LRRIQ1: variants seen among roughly 807,000 people sequenced by gnomAD.
LRRIQ1 encodes the protein leucine rich repeats and IQ motif containing 1.
In LRRIQ1, 210 loss-of-function variants were observed where a neutral mutation model predicts 211.9. The observed-to-expected ratio is 0.99, with a 90% CI of 0.89 to 1.11. The LOEUF (loss-of-function observed/expected upper bound fraction) is 1.11, where lower values mean the gene tolerates loss of function less well. Among genes scored for constraint, LRRIQ1 ranks in the 50% most tolerant of loss-of-function variants. LRRIQ1 has a pLI of 0.00. For synonymous variants in LRRIQ1, 699 were observed against 650.1 expected (o/e 1.08, Z -1.14); for missense variants, 2,136 against 1,939.5 (o/e 1.10, Z -1.90).
intron 26 of LRRIQ1, among the ~76,000 whole-genome samples, chr12:85,238,495 A>T (rs533905284): frequency 6.6e-6 from 1 of 152,238 alleles, no homozygotes; most frequent in Non-Finnish European, 1.5e-5. Flanking sequence ...AGTATACATG[A>T]TATACAGGGG....
At position 85,202,008 on chromosome 12, in the gene LRRIQ1, T is replaced by C. The variant is rs139733667; in HGVS notation, c.4823-27509T>C. Among the ~76,000 whole-genome samples the C allele has an allele frequency of 1.1e-4, 17 of 152,298 alleles. No homozygotes were observed. In the East Asian group the frequency reaches 2.7e-3, roughly 24 times the overall value. On this transcript the variant is annotated intron_variant, in intron 24 of 26. Coordinates refer to ENST00000393217, the MANE Select transcript of LRRIQ1 (RefSeq NM_001079910.2). ...TGTTGTATTTTTGTTCTTATTCATTTCAAATAATTGATTTCTGCCTTAATT... is the reference window on the plus strand; with the variant it reads ...TGTTGTATTTTTGTTCTTATTCATTCCAAATAATTGATTTCTGCCTTAATT...
In LRRIQ1 at chr12:85,098,338, T is replaced by C. The variant is rs374427851; in HGVS notation, c.2888-17T>C. 1,367 of 1,552,788 alleles carry C rather than the reference T, an allele frequency of 8.8e-4. 20 individuals carry two copies. In the South Asian group the frequency reaches 0.015, roughly 17 times the overall value. ...AGACTGTATGACACAGGTGATCTTA[T>C]AACTTTTTTCTTCTAGGTGGTTTAG... On this transcript the variant is annotated splice_polypyrimidine_tract_variant and intron_variant, in intron 11 of 26. Transcript: ENST00000393217.
At chr12:85,229,710 C>A in intron 25 of LRRIQ1, 61 bp downstream of exon 25, 1 of 1,532,778 alleles carries the variant, frequency 6.5e-7, no homozygotes, top group Non-Finnish European at 8.9e-7. Context: ...AAATTGAAAC[C>A]TAGGTTAATT....
intron 23 of LRRIQ1, among the ~76,000 whole-genome samples, chr12:85,154,668 ATTAC>A (rs930051666): frequency 1.3e-4 from 19 of 151,420 alleles, no homozygotes; most frequent in African/African-American, 4.6e-4. Flanking sequence ...TTTTAGTGTA[ATTAC>A]TTAATATATG....
chr12:85,146,533 GT>G (rs1247930303), intron 19 of LRRIQ1, among the ~76,000 whole-genome samples: 1 of 151,588 alleles, frequency 6.6e-6, no homozygotes. Flanking sequence ...TTTTGTTTTT[GT>G]TTTTGAAGGA....
chr12:85,096,637 T>G (rs1371832853), intron 11 of LRRIQ1, among the ~76,000 whole-genome samples: 1 of 151,520 alleles, frequency 6.6e-6, no homozygotes, highest in Non-Finnish European at 1.5e-5. Flanking sequence ...TATTCTGTGG[T>G]TTATGGGTAG....
At chr12:85,198,733 A>G (rs1266212646) in intron 24 of LRRIQ1, among the ~76,000 whole-genome samples, 1 of 151,876 alleles carries the variant, frequency 6.6e-6, no homozygotes, top group Non-Finnish European at 1.5e-5. Flanking sequence ...ATGCTCGGCT[A>G]ATTTTTTTGT....
intron 24 of LRRIQ1, among the ~76,000 whole-genome samples, chr12:85,169,849 C>A (rs750502346): frequency 6.6e-6 from 1 of 152,052 alleles, no homozygotes; most frequent in Non-Finnish European, 1.5e-5. Flanking sequence ...ATTCTTATAT[C>A]CTCAGCACTT....
chr12:85,140,888 C>T (rs138582236), intron 19 of LRRIQ1, among the ~76,000 whole-genome samples: 2 of 151,386 alleles, frequency 1.3e-5, no homozygotes, highest in African/African-American at 4.8e-5. Flanking sequence ...GACTTTCAAA[C>T]ATTAAACCTT....
At chr12:85,095,257 A>G (rs1885770426) in intron 11 of LRRIQ1, among the ~76,000 whole-genome samples, 1 of 152,136 alleles carries the variant, frequency 6.6e-6, no homozygotes, top group African/African-American at 2.4e-5. Flanking sequence ...TCTTTGCCAT[A>G]TAGGGCTCTA....
At chr12:85,140,695 T>G (rs986227031) in intron 19 of LRRIQ1, among the ~76,000 whole-genome samples, 1 of 151,184 alleles carries the variant, frequency 6.6e-6, no homozygotes. Context: ...CTTTCAATAT[T>G]TCACCACTAA....
At chr12:85,205,709 T>A (rs964836177) in intron 24 of LRRIQ1, among the ~76,000 whole-genome samples, 1 of 152,188 alleles carries the variant, frequency 6.6e-6, no homozygotes, top group Admixed American at 6.5e-5. Context: ...GTAGCTTGCT[T>A]TCTCTCCATG....
intron 24 of LRRIQ1, among the ~76,000 whole-genome samples, chr12:85,214,714 A>G (rs1893996932): frequency 6.6e-6 from 1 of 152,118 alleles, no homozygotes. Context: ...TGCCTACTTA[A>G]AAAAGACCTG....
chr12:85,065,119 T>A (rs1388557252), intron 8 of LRRIQ1, 143 bp from the exon 9 acceptor site: 4 of 598,844 alleles, frequency 6.7e-6, no homozygotes, highest in Non-Finnish European at 1.0e-5. Context: ...GCTTAACAAA[T>A]TGAGTTGTTA....
At chr12:85,169,259 T>C (rs1284168362) in intron 24 of LRRIQ1, among the ~76,000 whole-genome samples, 1 of 152,180 alleles carries the variant, frequency 6.6e-6, no homozygotes, top group Admixed American at 6.5e-5. Flanking sequence ...TTGCATGATT[T>C]TTTTTATAAG....
intron 6 of LRRIQ1, among the ~76,000 whole-genome samples, chr12:85,051,053 T>C (rs1273351190): frequency 3.9e-5 from 6 of 152,110 alleles, no homozygotes; most frequent in African/African-American, 9.7e-5. Flanking sequence ...TGGGAAGTAT[T>C]TGTGTCATGG....
At chr12:85,132,370 A>G (rs968921955) in intron 18 of LRRIQ1, among the ~76,000 whole-genome samples, 2 of 152,152 alleles carry the variant, frequency 1.3e-5, no homozygotes, top group African/African-American at 4.8e-5. Flanking sequence ...AGGGATATGC[A>G]GGGTACCTCC....
intron 1 of LRRIQ1, chr12:85,262,787 C>T (rs774894649): frequency 3.1e-4 from 82 of 263,178 alleles, no homozygotes; most frequent in Non-Finnish European, 4.4e-4. Context: ...AACAAAGATA[C>T]GTCTGTTAAA....
At position 85,101,791 on chromosome 12, in the gene LRRIQ1, A is replaced by G. The variant is rs549597563; in HGVS notation, c.3210-2213A>G. Among the ~76,000 whole-genome samples the G allele has an allele frequency of 1.1e-4, 17 of 151,888 alleles. No homozygotes were observed. In the Middle Eastern group the frequency reaches 0.01, roughly 92 times the overall value. On this transcript the variant is annotated intron_variant, in intron 13 of 26. Transcript: ENST00000393217. ...CTGAAAAGATTACTTTCAATATTAC[A>G]AAAAGATTTTTTCAAAGCGTATATT...
Sources: allele counts gnomAD v4.1 joint callset (sites outside exome capture counted in the v4.1 genomes callset), GRCh38; gene constraint gnomAD v4.1.1; transcripts MANE v1.5; gene names NCBI Gene and HGNC (gene_info 2026-07-23, HGNC 2026-07-21).